Variants in ART4 observed in about 807,000 individuals in gnomAD.
The protein encoded by ART4 is ADP-ribosyltransferase 4 (inactive) (Dombrock blood group).
Under a neutral mutation model 24.2 loss-of-function variants are expected in ART4, and 14 were observed. That is an observed-to-expected ratio of 0.58 (90% CI 0.38 to 0.90). The LOEUF (loss-of-function observed/expected upper bound fraction) is 0.90, where lower values mean the gene tolerates loss of function less well. Among genes scored for constraint, ART4 ranks in the 40% least tolerant of loss-of-function variants. ART4 has a pLI of 0.00. For missense variants in ART4, 356 were observed against 366.6 expected (o/e 0.97, Z 0.24); for synonymous variants, 145 against 139.9 (o/e 1.04, Z -0.26).
intron 2 of ART4, among the ~76,000 whole-genome samples, chr12:14,836,435 C>T (rs1950431561): frequency 6.6e-6 from 1 of 152,028 alleles, no homozygotes. Context: ...GGATGATTCA[C>T]ATCCCAAGAG....
In ART4 at chr12:14,826,122, A is replaced by C. The variant is rs891625410; in HGVS notation, c.*3249T>G. ...CAGCAGAAATTACAGTGAAATTTCTAAAACTAGTCTCTTAGAGTTTCATAA... is the reference window on the plus strand; with the variant it reads ...CAGCAGAAATTACAGTGAAATTTCTCAAACTAGTCTCTTAGAGTTTCATAA... On this transcript the variant is annotated 3_prime_UTR_variant, in exon 3 of 3. Transcript: ENST00000228936. 3.9e-5 allele frequency: 6 copies of C among 152,242 alleles called. No homozygotes were observed. Among genetic ancestry groups the C allele is most frequent in the Non-Finnish European group, 7.3e-5 (5 of 68,040 alleles). 9.4% of individuals were successfully genotyped at this position (152,242 alleles called of 1,614,324 possible).
In ART4 at chr12:14,843,255, A is replaced by C; in HGVS notation, c.-142T>G. ...CTATGCTGAGCAACTTCTGTTGCCC[A>C]CCAACAACCAATAGCTTGTCTGAGG... On this transcript the variant is annotated 5_prime_UTR_variant, in exon 1 of 3. Coordinates refer to ENST00000228936, the MANE Select transcript of ART4 (RefSeq NM_021071.4). 1 of 926,340 alleles carries C rather than the reference A, an allele frequency of 1.1e-6. No individual in the cohort carries two copies. Among genetic ancestry groups the C allele is most frequent in the South Asian group, 1.8e-5 (1 of 55,594 alleles). 57.4% of individuals were successfully genotyped at this position (926,340 alleles called of 1,614,324 possible). A position where few individuals can be genotyped will look rare whatever the true frequency, so the allele number is the denominator to read the frequency against.
intron 2 of ART4, among the ~76,000 whole-genome samples, chr12:14,838,713 T>G (rs2137303009): frequency 6.6e-6 from 1 of 152,270 alleles, no homozygotes; most frequent in East Asian, 1.9e-4. Context: ...TAGACCTCAG[T>G]GTGGATGCCA....
At chr12:14,837,805 G>A (rs976546775) in intron 2 of ART4, among the ~76,000 whole-genome samples, 8 of 152,134 alleles carry the variant, frequency 5.3e-5, no homozygotes, top group Admixed American at 1.3e-4. Flanking sequence ...GTGAGCCACC[G>A]CACTTGGCCA....
At chr12:14,830,273 C>T (rs1166462898) in intron 2 of ART4, among the ~76,000 whole-genome samples, 5 of 151,408 alleles carry the variant, frequency 3.3e-5, no homozygotes, top group African/African-American at 1.2e-4. Flanking sequence ...AATAATTGGC[C>T]ATATAATGGG....
intron 2 of ART4, among the ~76,000 whole-genome samples, chr12:14,832,055 C>T (rs1950400013): frequency 1.3e-5 from 2 of 152,132 alleles, no homozygotes; most frequent in Non-Finnish European, 1.5e-5. Context: ...GAAATAGCCC[C>T]CTACTTGGTT....
chr12:14,840,190 A>G (rs180764280), intron 2 of ART4, among the ~76,000 whole-genome samples: 53 of 152,342 alleles, frequency 3.5e-4, no homozygotes, highest in South Asian at 4.1e-4. Context: ...CTTCCAGTCA[A>G]GCTTTACTCT....
intron 2 of ART4, among the ~76,000 whole-genome samples, chr12:14,831,755 G>T (rs748000867): frequency 6.6e-6 from 1 of 151,854 alleles, no homozygotes; most frequent in African/African-American, 2.4e-5. Flanking sequence ...CTACACTTGT[G>T]CATCAACTGT....
At chr12:14,842,095 G>A (rs761976099) in intron 1 of ART4, among the ~76,000 whole-genome samples, 2 of 152,154 alleles carry the variant, frequency 1.3e-5, no homozygotes, top group African/African-American at 4.8e-5. Flanking sequence ...GTTTATTCAC[G>A]TCTAGTGCAT....
At chr12:14,831,029 G>A (rs1045203931) in intron 2 of ART4, among the ~76,000 whole-genome samples, 3 of 151,790 alleles carry the variant, frequency 2.0e-5, no homozygotes, top group African/African-American at 7.3e-5. Flanking sequence ...AGAGCTTAAG[G>A]GTCTCTGTTA....
At chr12:14,838,384 T>C (rs1190258662) in intron 2 of ART4, among the ~76,000 whole-genome samples, 2 of 152,208 alleles carry the variant, frequency 1.3e-5, no homozygotes, top group African/African-American at 4.8e-5. Context: ...TTTACTGTGC[T>C]TACTATCCTA....
Position 14,837,662 on chromosome 12 carries a change from T to G in ART4, c.853+2783A>C, listed in dbSNP as rs948331131. Among the ~76,000 whole-genome samples the G allele has an allele frequency of 1.2e-4, 18 of 152,140 alleles. No homozygotes were observed. In the East Asian group the frequency reaches 3.3e-3, roughly 28 times the overall value. On this transcript the variant is annotated intron_variant, in intron 2 of 2. Transcript: ENST00000228936. ...CTCAGTAGCTGGGACTGCATGTATG[T>G]GCCATGATACCTGGCTACTTTTTGT...
At position 14,843,105 on chromosome 12, in the gene ART4, T is replaced by C. The variant is rs1863079542; in HGVS notation, c.9A>G (p.Pro3=). 1.2e-6 allele frequency: 2 copies of C among 1,614,136 alleles called. No individual in the cohort carries two copies. The highest frequency in any genetic ancestry group is 4.5e-5 in the East Asian group (2 of 44,882). The change falls in exon 1 of 3, where the codon CCA becomes CCG. Residue 3 remains proline, a synonymous_variant. Coordinates refer to ENST00000228936, the MANE Select transcript of ART4 (RefSeq NM_021071.4). Reference sequence around the variant, plus strand: ...GAATCTTCTTGCATCTGTTGATCAATGGACCCATTTGCTTGTGTCACAAGT... The same window carrying C: ...GAATCTTCTTGCATCTGTTGATCAACGGACCCATTTGCTTGTGTCACAAGT... MG[P]LINRCKKILL... is the part of the protein sequence containing the mutation.
chr12:14,829,994 A>G (rs1950383490), intron 2 of ART4, among the ~76,000 whole-genome samples: 1 of 152,170 alleles, frequency 6.6e-6, no homozygotes, highest in Non-Finnish European at 1.5e-5. Context: ...GCACCATTCA[A>G]ACTTGGCCAG....
chr12:14,838,972 G>A (rs1482037881), intron 2 of ART4, among the ~76,000 whole-genome samples: 1 of 151,474 alleles, frequency 6.6e-6, no homozygotes, highest in Non-Finnish European at 1.5e-5. Flanking sequence ...AAATGGCTAG[G>A]TGGCAACATA....
Position 14,843,178 on chromosome 12 carries a change from T to C in ART4, c.-65A>G. 6.3e-7 allele frequency: 1 copy of C among 1,595,800 alleles called. No homozygotes were observed. ...TTCATCCTGAGATGAATTCTCAGAG[T>C]TCTCCTTTGAGGTTTTCTTTCAGTC... On this transcript the variant is annotated 5_prime_UTR_variant, in exon 1 of 3. Coordinates refer to ENST00000228936, the MANE Select transcript of ART4 (RefSeq NM_021071.4).
chr12:14,832,853 T>C (rs1950405595), intron 2 of ART4, among the ~76,000 whole-genome samples: 1 of 152,228 alleles, frequency 6.6e-6, no homozygotes, highest in Admixed American at 6.5e-5. Context: ...ACTAACTCTG[T>C]TGATACTTTT....
At chr12:14,832,130 C>T (rs760810018) in intron 2 of ART4, among the ~76,000 whole-genome samples, 1 of 152,138 alleles carries the variant, frequency 6.6e-6, no homozygotes, top group Non-Finnish European at 1.5e-5. Flanking sequence ...ACACAATCTT[C>T]TATGTTTTCT....
intron 2 of ART4, among the ~76,000 whole-genome samples, chr12:14,835,854 C>T (rs949364421): frequency 8.5e-5 from 13 of 152,070 alleles, no homozygotes; most frequent in South Asian, 2.1e-4. Context: ...CCACCTGCCT[C>T]GACCTCCCAA....
Sources: gnomAD v4.1 joint callset for allele counts (sites outside exome capture counted in the v4.1 genomes callset) on GRCh38, gnomAD v4.1.1 for gene constraint, MANE v1.5 for transcripts, NCBI Gene and HGNC (gene_info 2026-07-23, HGNC 2026-07-21) for gene names.